Variants in IL1RAP observed in about 807,000 individuals in gnomAD.
The protein encoded by IL1RAP is interleukin-1 receptor accessory protein.
In IL1RAP, 35 loss-of-function variants were observed where a neutral mutation model predicts 60.7. The ratio of observed to expected loss-of-function variants is 0.58; its 90% CI spans 0.44 to 0.76. The LOEUF is 0.76. Among genes scored for constraint, IL1RAP ranks in the 30% least tolerant of loss-of-function variants. The probability of loss-of-function intolerance (pLI) is 0.00; values close to 1 mark genes in which losing one functional copy is unlikely to be tolerated. For missense variants in IL1RAP, 572 were observed against 693.9 expected (o/e 0.82, Z 1.97); for synonymous variants, 268 against 250.9 (o/e 1.07, Z -0.64).
intron 2 of IL1RAP, among the ~76,000 whole-genome samples, chr3:190,560,727 G>T (rs534475502): frequency 6.6e-6 from 1 of 152,332 alleles, no homozygotes; most frequent in East Asian, 1.9e-4. Flanking sequence ...AGTGGTCAGA[G>T]TGATGCAGAT....
At chr3:190,634,709 T>G (rs998372601) in intron 9 of IL1RAP, among the ~76,000 whole-genome samples, 3 of 139,630 alleles carry the variant, frequency 2.1e-5, no homozygotes, top group South Asian at 2.2e-4. Context: ...CCTGTTGTGT[T>G]TTTTTTTTTG....
chr3:190,569,122 G>A (rs1726684536), intron 3 of IL1RAP, among the ~76,000 whole-genome samples: 2 of 152,230 alleles, frequency 1.3e-5, no homozygotes, highest in Admixed American at 6.5e-5. Context: ...AGCCAAGCTG[G>A]AAAGGTAGGT....
At chr3:190,654,530 C>A (rs1734542636), downstream of IL1RAP, among the ~76,000 whole-genome samples, 1 of 152,106 alleles carries the variant, frequency 6.6e-6, no homozygotes, top group South Asian at 2.1e-4. Context: ...CTGCTTAAAC[C>A]AATCAAAAGT....
chr3:190,581,866 G>A (rs1449790153), intron 3 of IL1RAP, among the ~76,000 whole-genome samples: 4 of 152,212 alleles, frequency 2.6e-5, no homozygotes, highest in Non-Finnish European at 5.9e-5. Context: ...CTTCATGCTC[G>A]TTTGTGTCTC....
At chr3:190,523,359 C>A (rs1290700618) in intron 1 of IL1RAP, among the ~76,000 whole-genome samples, 1 of 151,974 alleles carries the variant, frequency 6.6e-6, no homozygotes, top group African/African-American at 2.4e-5. Flanking sequence ...TTTATTTAGT[C>A]TATTTTTAAA....
chr3:190,571,828 T>G (rs1326243591), intron 3 of IL1RAP, among the ~76,000 whole-genome samples: 1 of 152,188 alleles, frequency 6.6e-6, no homozygotes, highest in Non-Finnish European at 1.5e-5. Flanking sequence ...CTTAAAACAT[T>G]ATGGACTTTT....
At chr3:190,552,980 A>G (rs1174049656) in intron 1 of IL1RAP, among the ~76,000 whole-genome samples, 1 of 152,174 alleles carries the variant, frequency 6.6e-6, no homozygotes, top group East Asian at 1.9e-4. Context: ...TGGCTTTCAG[A>G]TTTTACTAAA....
At chr3:190,541,609 T>C (rs1723944364) in intron 1 of IL1RAP, among the ~76,000 whole-genome samples, 1 of 152,196 alleles carries the variant, frequency 6.6e-6, no homozygotes, top group Admixed American at 6.5e-5. Flanking sequence ...TTAGCATTTC[T>C]TTAATTTGTA....
chr3:190,568,634 C>A (rs961632135), intron 3 of IL1RAP, among the ~76,000 whole-genome samples: 1 of 152,136 alleles, frequency 6.6e-6, no homozygotes, highest in Non-Finnish European at 1.5e-5. Context: ...GTAAAGGGGT[C>A]ATTTCATCAC....
downstream of IL1RAP, among the ~76,000 whole-genome samples, chr3:190,651,874 A>C (rs1419650248): frequency 6.6e-6 from 1 of 152,152 alleles, no homozygotes; most frequent in Admixed American, 6.5e-5. Context: ...GAGAAAAAGG[A>C]GAGAAAGATT....
At chr3:190,634,128 C>G (rs1336252637) in intron 9 of IL1RAP, among the ~76,000 whole-genome samples, 3 of 151,974 alleles carry the variant, frequency 2.0e-5, no homozygotes, top group African/African-American at 4.8e-5. Flanking sequence ...TATTTTTAAT[C>G]TGTCAGTGTG....
chr3:190,639,812 A>C (rs913099336), intron 9 of IL1RAP, among the ~76,000 whole-genome samples: 1 of 152,234 alleles, frequency 6.6e-6, no homozygotes, highest in African/African-American at 2.4e-5. Context: ...AAGCAGGTCT[A>C]AAATAGCCTT....
At chr3:190,514,903 G>T (rs951073628) in intron 1 of IL1RAP, among the ~76,000 whole-genome samples, 12 of 152,208 alleles carry the variant, frequency 7.9e-5, no homozygotes, top group Non-Finnish European at 1.5e-5. Flanking sequence ...TGACTTCATG[G>T]AACCATAGAG....
intron 7 of IL1RAP, among the ~76,000 whole-genome samples, chr3:190,626,291 A>G (rs1452357305): frequency 6.6e-6 from 1 of 152,218 alleles, no homozygotes; most frequent in Non-Finnish European, 1.5e-5. Context: ...GTAAGATTAA[A>G]TAAGACCATT....
At chr3:190,591,655 G>C (rs1330781280) in intron 3 of IL1RAP, among the ~76,000 whole-genome samples, 1 of 152,120 alleles carries the variant, frequency 6.6e-6, no homozygotes, top group Non-Finnish European at 1.5e-5. Flanking sequence ...ATATTTTCTA[G>C]ATATTCTTCA....
At chr3:190,634,215 T>G (rs1330446725) in intron 9 of IL1RAP, among the ~76,000 whole-genome samples, 1 of 152,158 alleles carries the variant, frequency 6.6e-6, no homozygotes, top group Non-Finnish European at 1.5e-5. Flanking sequence ...TGTCATGATT[T>G]ATTGTCCTTT....
intron 1 of IL1RAP, among the ~76,000 whole-genome samples, chr3:190,537,617 A>G (rs1474517022): frequency 6.6e-6 from 1 of 152,174 alleles, no homozygotes; most frequent in Non-Finnish European, 1.5e-5. Flanking sequence ...AAGATGGGCT[A>G]TAATTTACAG....
chr3:190,644,770 T>C (rs1733893105), intron 10 of IL1RAP, among the ~76,000 whole-genome samples: 2 of 152,220 alleles, frequency 1.3e-5, no homozygotes, highest in South Asian at 4.1e-4. Flanking sequence ...AAAAAGCTAA[T>C]GAGATATTTT....
chr3:190,629,660 A>C (rs763259082), intron 9 of IL1RAP, 162 bp downstream of exon 9: 47 of 1,390,378 alleles, frequency 3.4e-5, no homozygotes, highest in Admixed American at 1.0e-4. Flanking sequence ...GAAAGTTTTC[A>C]TCTATGTAAG....
Sources: allele counts gnomAD v4.1 joint callset (sites outside exome capture counted in the v4.1 genomes callset), GRCh38; gene constraint gnomAD v4.1.1; transcripts MANE v1.5; gene names NCBI Gene and HGNC (gene_info 2026-07-23, HGNC 2026-07-21).